Variants in SERGEF observed in about 807,000 individuals in gnomAD.
SERGEF encodes secretion regulating guanine nucleotide exchange factor.
A neutral mutation model predicts 50.0 loss-of-function variants in SERGEF; 51 were observed. The ratio of observed to expected loss-of-function variants is 1.02; its 90% CI spans 0.81 to 1.29. The LOEUF (loss-of-function observed/expected upper bound fraction) is 1.29. Among genes scored for constraint, SERGEF ranks in the 50% most tolerant of loss-of-function variants. The probability of loss-of-function intolerance (pLI) is 0.00; values close to 1 mark genes in which losing one functional copy is unlikely to be tolerated. For missense variants in SERGEF, 521 were observed against 557.0 expected, an observed-to-expected ratio of 0.94 and a Z score of 0.65; for synonymous variants, 205 against 212.4, an observed-to-expected ratio of 0.97 and a Z score of 0.30.
chr11:17,884,791 G>T lies in SERGEF; in HGVS notation c.1012-6547C>A, dbSNP rs78213411. On this transcript the variant is annotated intron_variant, in intron 9 of 10. Coordinates refer to ENST00000265965, the MANE Select transcript of SERGEF (RefSeq NM_012139.4). The surrounding 1 kb of genome is among the most constrained non-coding windows in gnomAD (Gnocchi z 4.6). Reference sequence around the variant, plus strand: ...GTATGCCTGTGAAAAAAATGAGCTTGAACTAGGTTCTGCTATCTTCCAGAG... The same window carrying T: ...GTATGCCTGTGAAAAAAATGAGCTTTAACTAGGTTCTGCTATCTTCCAGAG... Among the ~76,000 whole-genome samples, 2,629 of 152,222 alleles carry T rather than the reference G, an allele frequency of 0.017. 82 individuals are homozygous for T. Among genetic ancestry groups the T allele is most frequent in the African/African-American group, 0.059 (2,451 of 41,516 alleles).
intron 9 of SERGEF, among the ~76,000 whole-genome samples, chr11:17,891,472 T>C (rs1302330604): frequency 6.6e-6 from 1 of 152,228 alleles, no homozygotes; most frequent in Non-Finnish European, 1.5e-5. Flanking sequence ...TCTCACATTT[T>C]AAGATACTGA....
At chr11:17,864,255 C>T (rs1489385663) in intron 10 of SERGEF, among the ~76,000 whole-genome samples, 1 of 152,198 alleles carries the variant, frequency 6.6e-6, no homozygotes, top group Admixed American at 6.5e-5. Context: ...AACAGGTGGT[C>T]AACCTTGTGC....
chr11:17,830,645 GGAGGGAGAGAGAGAGA>G (rs1850283881), intron 10 of SERGEF, among the ~76,000 whole-genome samples: 1 of 19,382 alleles, frequency 5.2e-5, no homozygotes, highest in Admixed American at 8.2e-4. Context: ...GGAGGGAGAG[GGAGGGAGAGAGAGAGA>G]GAGAGAGAGA....
chr11:17,793,877 C>T (rs1380102363), intron 10 of SERGEF, among the ~76,000 whole-genome samples: 3 of 152,234 alleles, frequency 2.0e-5, no homozygotes, highest in Admixed American at 6.5e-5. Context: ...ACCACACTTG[C>T]GTCAGCCTAA....
chr11:17,893,709 T>A (rs912179679), intron 9 of SERGEF, among the ~76,000 whole-genome samples: 1 of 152,156 alleles, frequency 6.6e-6, no homozygotes, highest in Admixed American at 6.5e-5. Flanking sequence ...TATGATGTGA[T>A]GAGTACAGCC....
chr11:17,978,166 G>A (rs1196463946), intron 8 of SERGEF, among the ~76,000 whole-genome samples: 4 of 152,228 alleles, frequency 2.6e-5, no homozygotes, highest in Middle Eastern at 3.4e-3. Flanking sequence ...ACCTTAAGGG[G>A]CTACAGCAGT....
At position 17,966,548 on chromosome 11, in the gene SERGEF, T is replaced by G. The variant is rs559410935; in HGVS notation, c.845-6912A>C. On this transcript the variant is annotated intron_variant, in intron 8 of 10. Transcript: ENST00000265965. The stretch of plus-strand genomic sequence containing the variant: ...TGACTGGTATACAATTTAATTTTAT[T>G]GTCACCTTTGGAATATTTAGTCTGA... Among the ~76,000 whole-genome samples the G allele has an allele frequency of 5.9e-5, 9 of 152,328 alleles. No individual in the cohort carries two copies. The East Asian group carries it at 1.7e-3, about 29-fold the overall frequency.
intron 10 of SERGEF, among the ~76,000 whole-genome samples, chr11:17,835,882 T>C (rs1282300444): frequency 6.6e-6 from 1 of 152,226 alleles, no homozygotes; most frequent in Non-Finnish European, 1.5e-5. Context: ...CTGATTAAAT[T>C]TGAGGCATAT....
chr11:17,891,309 A>G (rs1195179234), intron 9 of SERGEF, among the ~76,000 whole-genome samples: 6 of 152,228 alleles, frequency 3.9e-5, no homozygotes, highest in Non-Finnish European at 8.8e-5. Flanking sequence ...AAAAAGATCC[A>G]TACTTGCAAT....
intron 5 of SERGEF, chr11:17,999,602 A>C: frequency 2.2e-6 from 1 of 456,078 alleles, no homozygotes; most frequent in Non-Finnish European, 4.4e-6. Flanking sequence ...AGAGCAGAAA[A>C]AATGAAAAGG....
At chr11:18,012,739 G>C (rs1854223403) in intron 1 of SERGEF, 2 of 1,329,388 alleles carry the variant, frequency 1.5e-6, no homozygotes, top group African/African-American at 1.5e-5. Context: ...CCCGCCAGCC[G>C]GCAGGCCCCT....
chr11:18,008,472 C>A (rs1389791019), intron 1 of SERGEF, among the ~76,000 whole-genome samples: 2 of 151,960 alleles, frequency 1.3e-5, no homozygotes, highest in African/African-American at 4.8e-5. Flanking sequence ...GCTGAAGAAA[C>A]CACACTTTTT....
At chr11:17,929,325 TC>T (rs762860595) in intron 9 of SERGEF, among the ~76,000 whole-genome samples, 1 of 152,136 alleles carries the variant, frequency 6.6e-6, no homozygotes, top group Non-Finnish European at 1.5e-5. Context: ...AACTTCATGC[TC>T]AAGGCAGCCA....
chr11:17,931,919 A>C (rs1248098330), intron 9 of SERGEF, among the ~76,000 whole-genome samples: 1 of 152,212 alleles, frequency 6.6e-6, no homozygotes, highest in Non-Finnish European at 1.5e-5. Flanking sequence ...TTTGAGAGTC[A>C]CTGCCCTAAA....
chr11:17,869,877 T>A (rs1851105273), intron 10 of SERGEF, among the ~76,000 whole-genome samples: 1 of 152,134 alleles, frequency 6.6e-6, no homozygotes, highest in Non-Finnish European at 1.5e-5. Flanking sequence ...CAGATAAAAT[T>A]AAGGTTGCTA....
chr11:17,939,466 C>T (rs1852519770), intron 9 of SERGEF: 1 of 152,190 alleles, frequency 6.6e-6, no homozygotes, highest in Non-Finnish European at 1.5e-5. Context: ...TCTAACTCCC[C>T]TGAGCCCCAC....
At chr11:17,793,715 A>G (rs997173903) in intron 10 of SERGEF, among the ~76,000 whole-genome samples, 3 of 152,228 alleles carry the variant, frequency 2.0e-5, no homozygotes, top group Non-Finnish European at 4.4e-5. Flanking sequence ...CACCTGGTTG[A>G]CGGAGATCTG....
chr11:17,873,690 G>A (rs1047246945), intron 10 of SERGEF, among the ~76,000 whole-genome samples: 1 of 151,976 alleles, frequency 6.6e-6, no homozygotes, highest in African/African-American at 2.4e-5. Context: ...GGAGGAGGAG[G>A]AGGAGGCATC....
At chr11:17,805,333 G>A (rs968083180) in intron 10 of SERGEF, among the ~76,000 whole-genome samples, 1 of 152,320 alleles carries the variant, frequency 6.6e-6, no homozygotes, top group South Asian at 2.1e-4. Flanking sequence ...CGGATCTGAT[G>A]GTTGATGTTC....
Sources: allele counts gnomAD v4.1 joint callset (sites outside exome capture counted in the v4.1 genomes callset), GRCh38; gene constraint gnomAD v4.1.1; non-coding constraint Gnocchi (gnomAD v3.1); transcripts MANE v1.5; gene names NCBI Gene and HGNC (gene_info 2026-07-23, HGNC 2026-07-21).